GPHN: variants seen among roughly 807,000 people sequenced by gnomAD.
GPHN encodes gephyrin.
In GPHN, 17 loss-of-function variants were observed where a neutral mutation model predicts 95.5. The ratio of observed to expected loss-of-function variants is 0.18; its 90% CI spans 0.12 to 0.27. The LOEUF (loss-of-function observed/expected upper bound fraction) is 0.27, where lower values mean the gene tolerates loss of function less well. Among genes scored for constraint, GPHN ranks in the 10% least tolerant of loss-of-function variants. GPHN has a pLI of 1.00. For missense variants in GPHN, 660 were observed against 978.1 expected (o/e 0.67, Z 4.34); for synonymous variants, 320 against 322.5 (o/e 0.99, Z 0.08).
intron 1 of GPHN, among the ~76,000 whole-genome samples, chr14:66,534,541 A>G (rs2059064061): frequency 6.6e-6 from 1 of 152,170 alleles, no homozygotes; most frequent in Admixed American, 6.5e-5. Context: ...TTGACTTACA[A>G]AGAAAACCTG....
At chr14:67,112,909 A>G (rs2078460116) in intron 15 of GPHN, 109 bp from the exon 16 acceptor site, 4 of 918,582 alleles carry the variant, frequency 4.4e-6, no homozygotes, top group Non-Finnish European at 7.1e-6. Flanking sequence ...CTTTATTTCT[A>G]GACTTTTTTG....
At chr14:67,356,983 T>A in the GPHN span, among the ~76,000 whole-genome samples, 1 of 152,204 alleles carries the variant, frequency 6.6e-6, no homozygotes, top group Non-Finnish European at 1.5e-5. Context: ...TAAAATTGAA[T>A]TTACCATGTT....
At chr14:66,866,966 A>G (rs912431109) in intron 4 of GPHN, among the ~76,000 whole-genome samples, 7 of 152,074 alleles carry the variant, frequency 4.6e-5, no homozygotes, top group African/African-American at 1.7e-4. Flanking sequence ...CAGTATGTAA[A>G]TTTGTACTCT....
intron 1 of GPHN, among the ~76,000 whole-genome samples, chr14:66,512,258 C>G (rs1439860572): frequency 6.6e-6 from 1 of 151,862 alleles, no homozygotes; most frequent in Admixed American, 6.6e-5. Context: ...TCACTCTTCA[C>G]ATACTTTTTT....
the GPHN span, among the ~76,000 whole-genome samples, chr14:67,287,970 T>G: frequency 6.6e-6 from 1 of 152,186 alleles, no homozygotes; most frequent in South Asian, 2.1e-4. Context: ...AGAGACCCAG[T>G]AGGGATACAA....
At chr14:66,725,297 C>G (rs543040970) in intron 2 of GPHN, among the ~76,000 whole-genome samples, 2 of 152,166 alleles carry the variant, frequency 1.3e-5, no homozygotes, top group African/African-American at 4.8e-5. Context: ...GGACACCTGT[C>G]AAGTTTAAGG....
chr14:66,584,893 C>T (rs2140509228), intron 1 of GPHN, among the ~76,000 whole-genome samples: 1 of 152,246 alleles, frequency 6.6e-6, no homozygotes, highest in East Asian at 1.9e-4. Flanking sequence ...CAGGATGATG[C>T]TGGCCTCTTA....
chr14:66,955,825 A>G lies in GPHN; in HGVS notation c.829-9366A>G, dbSNP rs556452578. Among the ~76,000 whole-genome samples the G allele has an allele frequency of 2.6e-5, 4 of 152,236 alleles. No homozygotes were observed. In the South Asian group the frequency reaches 8.3e-4, roughly 32 times the overall value. ...CGGTGTTTGGATTTTTGTCCCTGCA[A>G]TAGTTTGCTGAGAATGATGGTTTCC... On this transcript the variant is annotated intron_variant, in intron 8 of 22. Coordinates refer to ENST00000478722, the MANE Select transcript of GPHN (RefSeq NM_020806.5).
the GPHN span, among the ~76,000 whole-genome samples, chr14:67,687,050 A>C: frequency 6.6e-6 from 1 of 152,196 alleles, no homozygotes; most frequent in Non-Finnish European, 1.5e-5. Context: ...CGACATGCCC[A>C]ATCAGGCAAA....
the GPHN span, among the ~76,000 whole-genome samples, chr14:67,432,050 A>G: frequency 0.037 from 5,606 of 152,328 alleles, 135 homozygotes; most frequent in Middle Eastern, 0.054. Context: ...AACAAAATGG[A>G]ATATAGTGAG....
chr14:67,430,733 C>T, the GPHN span, among the ~76,000 whole-genome samples: 2,261 of 152,182 alleles, frequency 0.015, 19 homozygotes, highest in Middle Eastern at 0.02. Context: ...ATGAAAGGCC[C>T]AGAGACCTCA....
intron 2 of GPHN, among the ~76,000 whole-genome samples, chr14:66,747,830 C>T (rs1595770161): frequency 6.6e-6 from 1 of 152,074 alleles, no homozygotes; most frequent in East Asian, 1.9e-4. Flanking sequence ...GAAGATATTT[C>T]ATATTTTTGT....
chr14:67,532,866 T>G, the GPHN span, among the ~76,000 whole-genome samples: 1 of 152,188 alleles, frequency 6.6e-6, no homozygotes, highest in Non-Finnish European at 1.5e-5. Flanking sequence ...GACGGTCTGG[T>G]CTTGTCCCGC....
intron 1 of GPHN, among the ~76,000 whole-genome samples, chr14:66,560,170 G>A (rs2060175051): frequency 6.6e-6 from 1 of 152,056 alleles, no homozygotes; most frequent in African/African-American, 2.4e-5. Context: ...AAGTCAGGTA[G>A]CGTGATGCCT....
chr14:67,522,249 G>A, the GPHN span, among the ~76,000 whole-genome samples: 140 of 152,242 alleles, frequency 9.2e-4, no homozygotes, highest in African/African-American at 3.2e-3. Context: ...ACATATCCCC[G>A]TACCCGCTCC....
chr14:67,710,487 A>C, the GPHN span, among the ~76,000 whole-genome samples: 6 of 152,180 alleles, frequency 3.9e-5, no homozygotes, highest in Non-Finnish European at 7.3e-5. Flanking sequence ...TTTGTCTTGA[A>C]CATCCCTCCT....
chr14:67,323,886 G>C, the GPHN span: 1 of 756,046 alleles, frequency 1.3e-6, no homozygotes, highest in East Asian at 3.0e-5. Flanking sequence ...TTGTCCTGGT[G>C]CTTAAAAGCT....
chr14:67,002,465 C>T (rs1174586798), intron 9 of GPHN, among the ~76,000 whole-genome samples: 2 of 151,024 alleles, frequency 1.3e-5, no homozygotes, highest in African/African-American at 4.8e-5. Flanking sequence ...CAGCTTCTCA[C>T]CATATTCTAA....
At chr14:67,355,588 G>A in the GPHN span, among the ~76,000 whole-genome samples, 1 of 151,748 alleles carries the variant, frequency 6.6e-6, no homozygotes, top group Non-Finnish European at 1.5e-5. Flanking sequence ...TGGGTGATCA[G>A]GAACAGCCTC....
Sources: allele counts gnomAD v4.1 joint callset (sites outside exome capture counted in the v4.1 genomes callset), GRCh38; gene constraint gnomAD v4.1.1; transcripts MANE v1.5; gene names NCBI Gene and HGNC (gene_info 2026-07-23, HGNC 2026-07-21).